Variants in GUCY2D observed in about 807,000 individuals in gnomAD.
GUCY2D encodes the protein retinal guanylyl cyclase 1.
A neutral mutation model predicts 101.3 loss-of-function variants in GUCY2D; 70 were observed. That is an observed-to-expected ratio of 0.69 (90% confidence interval 0.57 to 0.84). The LOEUF (loss-of-function observed/expected upper bound fraction) is 0.84, where lower values mean the gene tolerates loss of function less well. GUCY2D is among the 40% of genes least tolerant of loss of function. The probability of loss-of-function intolerance (pLI) is 0.00; values close to 1 mark genes in which losing one functional copy is unlikely to be tolerated. For missense variants in GUCY2D, 1,460 were observed against 1,542.5 expected, an observed-to-expected ratio of 0.95 and a Z score of 0.90; for synonymous variants, 688 against 670.7, an observed-to-expected ratio of 1.03 and a Z score of -0.40.
At position 8,006,244 on chromosome 17, in the gene GUCY2D, G is replaced by A. The variant is rs1975734769; in HGVS notation, c.1027-119G>A. ...GAGATAGCCAATGGGGAGGGATCCT[G>A]GGAACAACTAACTGGAAGGTGGCAA... is the stretch of plus-strand genomic sequence containing the variant. On this transcript the variant is annotated intron_variant, in intron 3 of 19. Coordinates refer to ENST00000254854, the MANE Select transcript of GUCY2D (RefSeq NM_000180.4). 3 of 772,598 alleles carry A rather than the reference G, an allele frequency of 3.9e-6. No individual in the cohort carries two copies. In the African/African-American group the frequency reaches 5.1e-5, roughly 13 times the overall value. The allele number at this position is 772,598 out of a possible 1,614,324, so 47.9% of individuals were successfully genotyped here.
intron 15 of GUCY2D, 74 bp from the exon 16 acceptor site, chr17:8,015,669 A>AT: frequency 7.9e-7 from 1 of 1,257,928 alleles, no homozygotes; most frequent in Admixed American, 2.0e-5. Flanking sequence ...GGGTGCGAAG[A>AT]TCCCCCGAGG....
At position 8,004,016 on chromosome 17, in the gene GUCY2D, G is replaced by A. The variant is rs1005083528; in HGVS notation, c.886G>A (p.Ala296Thr). Residue 296 changes from alanine (A) to threonine (T), a missense_variant, in exon 3 of 20, where the codon GCC (alanine) becomes ACC (threonine). By Grantham distance (58) the Ala-to-Thr change is moderately conservative (BLOSUM62 0). Transcript: ENST00000254854. ...SPGPEALAAL[A>T]NSSQLRRAHD... ...AGGCCCGGAGGCCTTGGCCGCACTC[G>A]CCAACAGCTCCCAGCTTCGCAGGGC... 1.2e-6 allele frequency: 2 copies of A among 1,612,594 alleles called. No individual in the cohort carries two copies. The highest frequency in any genetic ancestry group is 1.7e-6 in the Non-Finnish European group (2 of 1,179,934).
chr17:8,013,026 C>A lies in GUCY2D; in HGVS notation c.2114-77C>A. The A allele has an allele frequency of 7.1e-7, 1 of 1,413,156 alleles. No homozygotes were observed. 87.5% of individuals were successfully genotyped at this position (1,413,156 alleles called of 1,614,324 possible). A position where few individuals can be genotyped will look rare whatever the true frequency, so the allele number is the denominator to read the frequency against. On this transcript the variant is annotated intron_variant, in intron 10 of 19. Coordinates refer to ENST00000254854, the MANE Select transcript of GUCY2D (RefSeq NM_000180.4). The surrounding 1 kb of genome is among the most constrained non-coding windows in gnomAD (Gnocchi z 5.0). Reference sequence around the variant, plus strand: ...TCTCAGGCTGCAGGGTTGGTGGTGTCTGGGTGCCAACCTGGGCTTTCTGGT... The same window carrying A: ...TCTCAGGCTGCAGGGTTGGTGGTGTATGGGTGCCAACCTGGGCTTTCTGGT...
intron 19 of GUCY2D, among the ~76,000 whole-genome samples, chr17:8,018,369 A>T (rs913135480): frequency 2.0e-5 from 3 of 152,122 alleles, no homozygotes; most frequent in African/African-American, 7.2e-5. Flanking sequence ...CTGAGTCTGG[A>T]TCTGCATTTT....
chr17:8,005,378 A>G (rs901560103), intron 3 of GUCY2D, among the ~76,000 whole-genome samples: 1 of 152,184 alleles, frequency 6.6e-6, no homozygotes, highest in Admixed American at 6.5e-5. Context: ...AAAGCCTCAC[A>G]GTGGCTTCTG....
chr17:8,010,068 T>C (rs1369427608), intron 8 of GUCY2D, among the ~76,000 whole-genome samples: 1 of 152,152 alleles, frequency 6.6e-6, no homozygotes, highest in Non-Finnish European at 1.5e-5. Context: ...TCCTTTGATC[T>C]TGTTGCAATG....
intron 8 of GUCY2D, among the ~76,000 whole-genome samples, chr17:8,010,802 C>G (rs1699556524): frequency 7.2e-6 from 1 of 139,806 alleles, no homozygotes; most frequent in African/African-American, 2.8e-5. Context: ...GAGCAAGATT[C>G]CGTCTCAAAA....
At position 8,016,302 on chromosome 17, in the gene GUCY2D, G is replaced by A. The variant is rs1000135302; in HGVS notation, c.3224+12G>A. The stretch of plus-strand genomic sequence containing the variant: ...GACCTGCAACCGGGGTGAGGGGCCG[G>A]CCTCCGCGGCAGGGCGAGGGACGAG... On this transcript the variant is annotated intron_variant, in intron 18 of 19. Transcript: ENST00000254854. 3.9e-6 allele frequency: 6 copies of A among 1,549,432 alleles called. No individual in the cohort carries two copies. Among genetic ancestry groups the A allele is most frequent in the Non-Finnish European group, 5.3e-6 (6 of 1,141,732 alleles).
At position 8,013,130 on chromosome 17, in the gene GUCY2D, T is replaced by G. The variant is rs766418873; in HGVS notation, c.2141T>G (p.Leu714Arg). 1 of 1,613,552 alleles carries G rather than the reference T, an allele frequency of 6.2e-7. No homozygotes were observed. The highest frequency in any genetic ancestry group is 1.1e-5 in the South Asian group (1 of 91,040). ...EDQLWTAPEL[L>R]RDPALERRGT... ...CAGCTGTGGACAGCCCCGGAGCTGCTTAGGGACCCAGCCCTGGAGCGCCGG... is the reference window on the plus strand; with the variant it reads ...CAGCTGTGGACAGCCCCGGAGCTGCGTAGGGACCCAGCCCTGGAGCGCCGG... The change falls in exon 11 of 20, where the codon CTT becomes CGT. Residue 714 changes from leucine (L) to arginine (R), a missense_variant. Leu to Arg is a moderately radical substitution (Grantham distance 102). Coordinates refer to ENST00000254854, the MANE Select transcript of GUCY2D (RefSeq NM_000180.4). The surrounding 1 kb of genome is among the most constrained non-coding windows in gnomAD (Gnocchi z 5.0).
rs369547545 is a variant in GUCY2D, at chr17:8,003,650, G to C, written c.603G>C (p.Leu201=). 2.9e-5 allele frequency: 46 copies of C among 1,595,018 alleles called. No homozygotes were observed. Among genetic ancestry groups the C allele is most frequent in the Non-Finnish European group, 3.7e-5 (43 of 1,178,026 alleles). ...QDLWVEAGRS[L]STALRARGLP... ...TGTGGGTGGAGGCGGGACGCTCACT[G>C]TCCACGGCACTCAGGGCCCGGGGCC... Residue 201 remains leucine (L), a synonymous_variant, in exon 2 of 20, where the codon CTG becomes CTC. Transcript: ENST00000254854.
rs1779196136 is a variant in GUCY2D, at chr17:8,002,892, C to G, written c.-9-147C>G. The G allele has an allele frequency of 3.2e-6, 2 of 617,628 alleles. No individual in the cohort carries two copies. Among genetic ancestry groups the G allele is most frequent in the Non-Finnish European group, 5.4e-6 (2 of 372,148 alleles). 38.3% of individuals were successfully genotyped at this position (617,628 alleles called of 1,614,324 possible). On this transcript the variant is annotated intron_variant, in intron 1 of 19. Coordinates refer to ENST00000254854, the MANE Select transcript of GUCY2D (RefSeq NM_000180.4). The surrounding 1 kb of genome is among the most constrained non-coding windows in gnomAD (Gnocchi z 4.9). ...GGCTTCGGGGCGGTGTCCTTGGCCC[C>G]AGTTAGTCTTCCCAGCCTCCGGAGG... is the stretch of plus-strand genomic sequence containing the variant.
rs1167105028 is a variant in GUCY2D at position 8,013,725 on chromosome 17, A to T, written c.2264-155A>T. 1 of 682,992 alleles carries T rather than the reference A, an allele frequency of 1.5e-6. No individual in the cohort carries two copies. The highest frequency in any genetic ancestry group is 2.2e-5 in the Admixed American group (1 of 46,448). 42.3% of individuals were successfully genotyped at this position (682,992 alleles called of 1,614,324 possible). Reference sequence around the variant, plus strand: ...TCCTAGCAACCCCCTTCCACACTATACTCTCCCTCCACACACACACACTGA... The same window carrying T: ...TCCTAGCAACCCCCTTCCACACTATTCTCTCCCTCCACACACACACACTGA... On this transcript the variant is annotated intron_variant, in intron 11 of 19. Coordinates refer to ENST00000254854, the MANE Select transcript of GUCY2D (RefSeq NM_000180.4). This position sits in a 1 kb window ranked among gnomAD's most constrained non-coding sequence, Gnocchi z 5.0.
chr17:8,012,669 C>T, intron 10 of GUCY2D, 63 bp downstream of exon 10: 2 of 1,287,422 alleles, frequency 1.6e-6, no homozygotes, highest in Non-Finnish European at 2.2e-6. Flanking sequence ...GGCTTCTCCC[C>T]CGCTTCCTCC....
In GUCY2D at chr17:8,003,379, T is replaced by G; in HGVS notation, c.332T>G (p.Leu111Arg). 6.8e-7 allele frequency: 1 copy of G among 1,468,034 alleles called. No individual in the cohort carries two copies. Among genetic ancestry groups the G allele is most frequent in the Non-Finnish European group, 9.0e-7 (1 of 1,116,758 alleles). 90.9% of individuals were successfully genotyped at this position (1,468,034 alleles called of 1,614,324 possible). The stretch of plus-strand genomic sequence containing the variant: ...GAGCCTTGCCGGACGCCGGGCTCGC[T>G]GGGGGCCGTGTCCTCCGCGCTGGCC... ...LPEPCRTPGSLGAVSSALARV... is the reference protein window; with the variant it reads ...LPEPCRTPGSRGAVSSALARV... The change falls in exon 2 of 20, where the codon CTG becomes CGG. Residue 111 changes from leucine (L) to arginine (R), a missense_variant. Physicochemically the swap from Leu to Arg is moderately radical, Grantham distance 102 (BLOSUM62 -2). This residue lies in a region of GUCY2D where 1,196 missense variants were observed against 1,229.6 expected (regional missense o/e 0.97). Transcript: ENST00000254854.
In GUCY2D at chr17:8,006,528, G is replaced by A. The variant is rs377021127; in HGVS notation, c.1192G>A (p.Glu398Lys). The change falls in exon 4 of 20, where the codon GAG (glutamate) becomes AAG (lysine). Residue 398 changes from glutamate (E) to lysine (K), a missense_variant. By Grantham distance (56) the Glu-to-Lys change is moderately conservative. This residue lies in a region of GUCY2D where 1,196 missense variants were observed against 1,229.6 expected (regional missense o/e 0.97). Transcript: ENST00000254854. The stretch of plus-strand genomic sequence containing the variant: ...CTTCTGCGGGGACCTAGGAGGAGAC[G>A]AGGAGCCCCCATTCGTGCTGCTAGA... ...PGFCGDLGGD[E>K]EPPFVLLDTD... 17 of 1,611,450 alleles carry A rather than the reference G, an allele frequency of 1.1e-5. No homozygotes were observed. The highest frequency in any genetic ancestry group is 2.2e-5 in the South Asian group (2 of 91,092).
Position 8,003,705 on chromosome 17 carries a change from C to T in GUCY2D, c.658C>T (p.Pro220Ser), listed in dbSNP as rs1975682643. 1 of 1,598,080 alleles carries T rather than the reference C, an allele frequency of 6.3e-7. No individual in the cohort carries two copies. Among genetic ancestry groups the T allele is most frequent in the Non-Finnish European group, 8.5e-7 (1 of 1,179,604 alleles). ...LPVASVTSME[P>S]LDLSGAREAL... The stretch of plus-strand genomic sequence containing the variant: ...TGTCGCCTCCGTGACTTCCATGGAG[C>T]CCTTGGACCTGTCTGGAGCCCGGGA... The change falls in exon 2 of 20, where the codon CCC becomes TCC. Residue 220 changes from proline (P) to serine (S), a missense_variant. Transcript: ENST00000254854.
At chr17:8,019,760 A>G (rs1454132098) in intron 19 of GUCY2D, among the ~76,000 whole-genome samples, 1 of 152,034 alleles carries the variant, frequency 6.6e-6, no homozygotes, top group Non-Finnish European at 1.5e-5. Flanking sequence ...ATTTCTCTGG[A>G]AATCTTATTT....
rs1256474218 is a variant in GUCY2D at position 8,014,017 on chromosome 17, A to G, written c.2401A>G (p.Thr801Ala). Residue 801 changes from threonine to alanine, a missense_variant, in exon 12 of 20, where the codon ACC (threonine) becomes GCC (alanine). Around this residue, in one of 3 missense-constraint regions of GUCY2D, gnomAD observed 1,196 missense variants for 1,229.6 expected, o/e 0.97. Transcript: ENST00000254854. This position sits in a 1 kb window ranked among gnomAD's most constrained non-coding sequence, Gnocchi z 4.0. ...QPELRPSMDHTFDLFKNINKG... is the reference protein window; with the variant it reads ...QPELRPSMDHAFDLFKNINKG... ...GGAACTTCGGCCCTCCATGGACCAC[A>G]CCTTCGACCTGGTCAGGGGCTGGGA... The G allele has an allele frequency of 6.2e-7, 1 of 1,613,132 alleles. No homozygotes were observed.
chr17:8,002,909 C>T lies in GUCY2D; in HGVS notation c.-9-130C>T, dbSNP rs1455401708. 1 of 689,838 alleles carries T rather than the reference C, an allele frequency of 1.4e-6. No individual in the cohort carries two copies. Among genetic ancestry groups the T allele is most frequent in the Non-Finnish European group, 2.3e-6 (1 of 433,866 alleles). 42.7% of individuals were successfully genotyped at this position (689,838 alleles called of 1,614,324 possible). On this transcript the variant is annotated intron_variant, in intron 1 of 19. Coordinates refer to ENST00000254854, the MANE Select transcript of GUCY2D (RefSeq NM_000180.4). This position sits in a 1 kb window ranked among gnomAD's most constrained non-coding sequence, Gnocchi z 4.9. Reference sequence around the variant, plus strand: ...CTTGGCCCCAGTTAGTCTTCCCAGCCTCCGGAGGGGGCGGTAGCAGCAGAA... The same window carrying T: ...CTTGGCCCCAGTTAGTCTTCCCAGCTTCCGGAGGGGGCGGTAGCAGCAGAA...
Sources: gnomAD v4.1 joint callset for allele counts (sites outside exome capture counted in the v4.1 genomes callset) on GRCh38, gnomAD v4.1.1 for gene constraint, gnomAD v4.1.1 regional missense constraint, Gnocchi (gnomAD v3.1) non-coding constraint, MANE v1.5 for transcripts, NCBI Gene and HGNC (gene_info 2026-07-23, HGNC 2026-07-21) for gene names.